The following IFI16 variants were observed in gnomAD, a reference collection of about 807,000 sequenced individuals.
IFI16 encodes the protein interferon gamma inducible protein 16.
In IFI16, 49 loss-of-function variants were observed where a neutral mutation model predicts 68.4. The ratio of observed to expected loss-of-function variants is 0.72; its 90% CI spans 0.57 to 0.91. IFI16 has a LOEUF of 0.91. Among genes scored for constraint, IFI16 ranks in the 40% least tolerant of loss-of-function variants. IFI16 has a pLI of 0.00. For missense variants in IFI16, 878 were observed against 942.9 expected (o/e 0.93, Z 0.90); for synonymous variants, 307 against 315.0 (o/e 0.97, Z 0.27).
At chr1:159,050,360 A>G (rs1655270446) in intron 9 of IFI16, among the ~76,000 whole-genome samples, 1 of 152,170 alleles carries the variant, frequency 6.6e-6, no homozygotes, top group African/African-American at 2.4e-5. Flanking sequence ...CATTGCCCTC[A>G]GAGTAGCTTT....
At chr1:159,029,848 T>G (rs1416737970) in intron 6 of IFI16, among the ~76,000 whole-genome samples, 2 of 152,126 alleles carry the variant, frequency 1.3e-5, no homozygotes, top group East Asian at 3.9e-4. Flanking sequence ...GCCCAGCTAA[T>G]TTTTTGTATT....
At chr1:159,019,944 C>G (rs1433797928) in intron 5 of IFI16, among the ~76,000 whole-genome samples, 1 of 152,160 alleles carries the variant, frequency 6.6e-6, no homozygotes, top group African/African-American at 2.4e-5. Context: ...CTTGCTTTTT[C>G]TTACAGATTC....
chr1:159,020,229 A>C, intron 5 of IFI16, 112 bp from the exon 6 acceptor site: 2 of 717,878 alleles, frequency 2.8e-6, no homozygotes, highest in Non-Finnish European at 4.8e-6. Flanking sequence ...GCATATCTGT[A>C]CTAGGAGTTG....
intron 8 of IFI16, among the ~76,000 whole-genome samples, 186 bp downstream of exon 8, chr1:159,045,650 C>T (rs1347861301): frequency 6.6e-6 from 1 of 151,348 alleles, no homozygotes; most frequent in East Asian, 1.9e-4. Flanking sequence ...TTTTTATCAT[C>T]TCTATTCCAT....
chr1:159,022,118 C>A (rs941767992), intron 6 of IFI16, among the ~76,000 whole-genome samples: 1 of 152,118 alleles, frequency 6.6e-6, no homozygotes, highest in African/African-American at 2.4e-5. Context: ...CGCCCGCCAC[C>A]GCCCCCGGCT....
intron 8 of IFI16, among the ~76,000 whole-genome samples, chr1:159,046,499 T>C (rs1483637185): frequency 6.6e-6 from 1 of 151,300 alleles, no homozygotes; most frequent in African/African-American, 2.4e-5. Flanking sequence ...TGATTTGAGA[T>C]ATGAACAGGA....
chr1:159,008,687 T>A (rs1446319838), upstream of IFI16, among the ~76,000 whole-genome samples: 1 of 152,086 alleles, frequency 6.6e-6, no homozygotes, highest in Non-Finnish European at 1.5e-5. Context: ...ACGTAAAGAG[T>A]ACCCTAAAGC....
intron 4 of IFI16, among the ~76,000 whole-genome samples, chr1:159,016,944 G>T (rs967725990): frequency 1.3e-5 from 2 of 152,172 alleles, no homozygotes; most frequent in African/African-American, 4.8e-5. Context: ...ATGCAGTACA[G>T]AACTGTCAGC....
At chr1:159,030,171 A>G (rs1053721778) in intron 6 of IFI16, among the ~76,000 whole-genome samples, 1 of 145,528 alleles carries the variant, frequency 6.9e-6, no homozygotes, top group South Asian at 2.2e-4. Flanking sequence ...TATGCTCTCT[A>G]TTTTTTTGGA....
At chr1:159,046,851 T>C (rs919864151) in intron 8 of IFI16, among the ~76,000 whole-genome samples, 2 of 151,388 alleles carry the variant, frequency 1.3e-5, no homozygotes, top group African/African-American at 2.4e-5. Flanking sequence ...TTAGAGCATT[T>C]ATCATAGCTA....
chr1:159,018,127 G>A, intron 4 of IFI16, 102 bp from the exon 5 acceptor site: 1 of 915,086 alleles, frequency 1.1e-6, no homozygotes, highest in Admixed American at 2.4e-5. Context: ...CTAAACATCT[G>A]TGCAAGTTTT....
chr1:159,014,685 G>GA lies in IFI16; in HGVS notation c.12dup (p.Tyr5IlefsTer15), dbSNP rs1272199515. Reference sequence around the variant, plus strand: ...GGCTCACTTATGTCTGTAAAGATGGGAAAAAAATACAAGAACATTGTTCTA... The same window carrying GA: ...GGCTCACTTATGTCTGTAAAGATGGGAAAAAAAATACAAGAACATTGTTCTA... On this transcript the variant is annotated frameshift_variant, in exon 2 of 12. Transcript: ENST00000295809. LOFTEE classifies it high-confidence loss of function. 4 of 1,596,002 alleles carry GA rather than the reference G, an allele frequency of 2.5e-6. No homozygotes were observed. The highest frequency in any genetic ancestry group is 3.4e-6 in the Non-Finnish European group (4 of 1,170,364).
At chr1:159,005,103 G>A (rs776710236), upstream of IFI16, among the ~76,000 whole-genome samples, 23 of 152,248 alleles carry the variant, frequency 1.5e-4, no homozygotes, top group East Asian at 1.9e-4. Flanking sequence ...CGGGCATGTA[G>A]GGGGTGAATT....
At chr1:159,015,797 C>T (rs1652880449) in intron 2 of IFI16, 75 bp from the exon 3 acceptor site, 1 of 1,081,734 alleles carries the variant, frequency 9.2e-7, no homozygotes, top group Non-Finnish European at 1.4e-6. Flanking sequence ...ATTGAAACTG[C>T]TTCAGCTGTC....
chr1:159,009,959 C>T lies in IFI16; in HGVS notation c.-223C>T, dbSNP rs1652442871. The T allele has an allele frequency of 6.6e-6, 1 of 152,218 alleles. No homozygotes were observed. The highest frequency in any genetic ancestry group is 1.5e-5 in the Non-Finnish European group (1 of 68,032). 9.4% of individuals were successfully genotyped at this position (152,218 alleles called of 1,614,324 possible). On this transcript the variant is annotated 5_prime_UTR_variant, in exon 1 of 12. Transcript: ENST00000295809. ...GAGCAAGCCAGCACTAGTCAGCTAA[C>T]TAAGTGACTCAACCAAGGCCTTTTT... is the stretch of plus-strand genomic sequence containing the variant.
chr1:159,011,181 C>A (rs1652533139), intron 1 of IFI16, among the ~76,000 whole-genome samples: 1 of 152,020 alleles, frequency 6.6e-6, no homozygotes, highest in South Asian at 2.1e-4. Flanking sequence ...GTCAGGAGTT[C>A]CAGACCAGCC....
intron 6 of IFI16, among the ~76,000 whole-genome samples, chr1:159,030,062 TTC>T (rs1653908980): frequency 6.6e-6 from 1 of 152,182 alleles, no homozygotes; most frequent in Admixed American, 6.5e-5. Flanking sequence ...AGCTCTGAAG[TTC>T]TTTCTTCTAC....
Position 159,039,534 on chromosome 1 carries a change from G to A in IFI16, c.1330-5763G>A, listed in dbSNP as rs143526133. Among the ~76,000 whole-genome samples the A allele has an allele frequency of 8.8e-3, 1,340 of 152,182 alleles. 11 individuals carry two copies. The highest frequency in any genetic ancestry group is 0.014 in the Non-Finnish European group (931 of 68,010). On this transcript the variant is annotated intron_variant, in intron 7 of 11. Transcript: ENST00000295809. ...AATTTTTGTATTTTTAGTAGAGACG[G>A]GGTTTAACCATGTTGGCCAGACTGG...
chr1:159,016,378 G>T (rs1007572940), intron 3 of IFI16, among the ~76,000 whole-genome samples, 155 bp from the exon 4 acceptor site: 1 of 152,060 alleles, frequency 6.6e-6, no homozygotes, highest in African/African-American at 2.4e-5. Context: ...AACCATCTAT[G>T]CCCATCTCTT....
Sources: allele counts gnomAD v4.1 joint callset (sites outside exome capture counted in the v4.1 genomes callset), GRCh38; gene constraint gnomAD v4.1.1; transcripts MANE v1.5; gene names NCBI Gene and HGNC (gene_info 2026-07-23, HGNC 2026-07-21).